The following CDH18 variants were observed in gnomAD, a reference collection of about 807,000 sequenced individuals.
The protein encoded by CDH18 is cadherin-18.
Under a neutral mutation model 67.9 loss-of-function variants are expected in CDH18, and 31 were observed. The observed-to-expected ratio is 0.46, with a 90% confidence interval of 0.34 to 0.62. The LOEUF (loss-of-function observed/expected upper bound fraction) is 0.62, where lower values mean the gene tolerates loss of function less well. Ranked by LOEUF, CDH18 falls within the 20% of genes least tolerant of loss-of-function variation. The pLI is 0.01. For synonymous variants in CDH18, 362 were observed against 347.2 expected (o/e 1.04, Z -0.48); for missense variants, 890 against 975.5 (o/e 0.91, Z 1.17).
intron 8 of CDH18, among the ~76,000 whole-genome samples, chr5:19,569,504 T>C (rs1258557758): frequency 6.6e-6 from 1 of 152,200 alleles, no homozygotes; most frequent in Non-Finnish European, 1.5e-5. Flanking sequence ...TTATGCATGA[T>C]ACACAATGCA....
intron 5 of CDH18, among the ~76,000 whole-genome samples, chr5:19,720,361 T>G (rs1243506298): frequency 6.6e-6 from 1 of 152,166 alleles, no homozygotes; most frequent in Admixed American, 6.6e-5. Context: ...GAATGCATCT[T>G]GCGCTCAAGA....
Position 19,766,169 on chromosome 5 carries a change from G to A in CDH18, c.229-18933C>T, listed in dbSNP as rs147256587. On this transcript the variant is annotated intron_variant, in intron 3 of 12. Transcript: ENST00000382275. ...GCTGGGATCACAGGCGTCAGCCATC[G>A]TGCCCGACCCAGAACTTTTTCAATC... Among the ~76,000 whole-genome samples, 1,350 of 152,256 alleles carry A rather than the reference G, an allele frequency of 8.9e-3. 10 individuals carry two copies. Among genetic ancestry groups the A allele is most frequent in the African/African-American group, 0.02 (842 of 41,566 alleles).
intron 2 of CDH18, among the ~76,000 whole-genome samples, chr5:20,174,891 C>CT (rs574608799): frequency 7.2e-4 from 110 of 152,028 alleles, no homozygotes; most frequent in Non-Finnish European, 1.1e-3. Flanking sequence ...ATAATGTTGA[C>CT]TTTTTTTGCA....
chr5:19,537,822 C>T (rs920648903), intron 9 of CDH18, among the ~76,000 whole-genome samples: 2 of 152,146 alleles, frequency 1.3e-5, no homozygotes, highest in South Asian at 2.1e-4. Context: ...AAATACCACA[C>T]TGACTAGCAA....
At chr5:19,868,276 C>G (rs924455965) in intron 2 of CDH18, among the ~76,000 whole-genome samples, 16 of 152,122 alleles carry the variant, frequency 1.1e-4, no homozygotes, top group East Asian at 3.9e-4. Context: ...ACCACCACCC[C>G]CTATCTCTGT....
chr5:20,204,746 A>G (rs940499358), intron 2 of CDH18, among the ~76,000 whole-genome samples: 1 of 151,988 alleles, frequency 6.6e-6, no homozygotes, highest in Non-Finnish European at 1.5e-5. Flanking sequence ...ACAAAAAATC[A>G]AAATTGTATG....
At chr5:20,247,331 G>T (rs527527648) in intron 2 of CDH18, among the ~76,000 whole-genome samples, 2 of 152,026 alleles carry the variant, frequency 1.3e-5, no homozygotes, top group Admixed American at 6.6e-5. Flanking sequence ...CTAGCCTTGG[G>T]GGAAGGCAGG....
chr5:19,502,665 A>C lies in CDH18; in HGVS notation c.1630+327T>G, dbSNP rs116423224. 6.1e-3 allele frequency: 2,783 copies of C among 457,120 alleles called. 21 individuals are homozygous for C. The highest frequency in any genetic ancestry group is 7.8e-3 in the Non-Finnish European group (2,046 of 261,380). 28.3% of individuals were successfully genotyped at this position (457,120 alleles called of 1,614,324 possible). On this transcript the variant is annotated intron_variant, in intron 11 of 12. Transcript: ENST00000382275. The stretch of plus-strand genomic sequence containing the variant: ...TAGGATATATTTTTCATTTTTTCCT[A>C]ATTTGAATATTTTCTACCTCCAAGC...
At chr5:20,424,263 G>GA (rs995046008) in intron 1 of CDH18, among the ~76,000 whole-genome samples, 4 of 150,674 alleles carry the variant, frequency 2.7e-5, no homozygotes, top group Non-Finnish European at 4.4e-5. Flanking sequence ...AAGTTTCTGT[G>GA]AAAAAAATCT....
chr5:20,399,446 G>A (rs1745572192), intron 1 of CDH18, among the ~76,000 whole-genome samples: 1 of 152,152 alleles, frequency 6.6e-6, no homozygotes, highest in Non-Finnish European at 1.5e-5. Flanking sequence ...TAATATAAAT[G>A]TGAATGAATT....
chr5:20,036,891 C>T (rs185450865), intron 2 of CDH18, among the ~76,000 whole-genome samples: 38 of 151,968 alleles, frequency 2.5e-4, no homozygotes, highest in Non-Finnish European at 4.6e-4. Context: ...CTTTTTTGAT[C>T]TTTGTGGGTC....
chr5:20,221,679 C>T (rs906932558), intron 2 of CDH18, among the ~76,000 whole-genome samples: 1 of 151,848 alleles, frequency 6.6e-6, no homozygotes, highest in Non-Finnish European at 1.5e-5. Flanking sequence ...CCCAATTTAC[C>T]TAATGTGATT....
At chr5:19,769,221 A>T (rs1274096256) in intron 3 of CDH18, among the ~76,000 whole-genome samples, 1 of 152,104 alleles carries the variant, frequency 6.6e-6, no homozygotes, top group East Asian at 1.9e-4. Context: ...ATGAACCTCA[A>T]GTAGCATAAA....
chr5:20,384,250 C>A (rs1562020492), intron 1 of CDH18, among the ~76,000 whole-genome samples: 2 of 152,042 alleles, frequency 1.3e-5, no homozygotes, highest in Non-Finnish European at 2.9e-5. Context: ...CAACTCATTT[C>A]CCCCCTTCTC....
chr5:20,565,667 AAGAC>A (rs1758460882), intron 1 of CDH18, among the ~76,000 whole-genome samples: 1 of 151,984 alleles, frequency 6.6e-6, no homozygotes, highest in Non-Finnish European at 1.5e-5. Flanking sequence ...AGAGAAGTGA[AAGAC>A]AGTGGGGAGT....
intron 4 of CDH18, among the ~76,000 whole-genome samples, chr5:19,725,536 G>C (rs1369154836): frequency 6.6e-6 from 1 of 152,154 alleles, no homozygotes; most frequent in Non-Finnish European, 1.5e-5. Context: ...TTGGGAGGCC[G>C]AGGCGGGTGG....
chr5:19,642,552 G>C (rs1458584074), intron 5 of CDH18, among the ~76,000 whole-genome samples: 1 of 151,888 alleles, frequency 6.6e-6, no homozygotes, highest in Admixed American at 6.6e-5. Flanking sequence ...TCTTTAAAAA[G>C]GATGCAAAGA....
chr5:20,314,964 C>T (rs2149996270), intron 1 of CDH18, among the ~76,000 whole-genome samples: 1 of 152,104 alleles, frequency 6.6e-6, no homozygotes, highest in Non-Finnish European at 1.5e-5. Context: ...AATTATTTAC[C>T]TAAAATAGTA....
chr5:20,295,068 A>G (rs534158318), intron 1 of CDH18, among the ~76,000 whole-genome samples: 227 of 152,300 alleles, frequency 1.5e-3, no homozygotes, highest in Non-Finnish European at 1.5e-3. Flanking sequence ...TAAATGTCAC[A>G]ATTAAAGTTT....
Sources: allele counts gnomAD v4.1 joint callset (sites outside exome capture counted in the v4.1 genomes callset), GRCh38; gene constraint gnomAD v4.1.1; transcripts MANE v1.5; gene names NCBI Gene and HGNC (gene_info 2026-07-23, HGNC 2026-07-21).